Variants in C7orf78 observed in about 807,000 individuals in gnomAD.
The protein encoded by C7orf78 is putative uncharacterized protein C7orf78.
the C7orf78 span, among the ~76,000 whole-genome samples, chr7:12,497,605 T>G: frequency 6.6e-6 from 1 of 152,160 alleles, no homozygotes; most frequent in Non-Finnish European, 1.5e-5. Flanking sequence ...TCTCGCTGAT[T>G]GCTAGCACAG....
the C7orf78 span, among the ~76,000 whole-genome samples, chr7:12,518,543 T>C: frequency 6.6e-6 from 1 of 152,092 alleles, no homozygotes; most frequent in Non-Finnish European, 1.5e-5. Context: ...AGCTCCTAGA[T>C]GGCACATGTG....
At chr7:12,530,973 G>A in the C7orf78 span, 1 of 398,238 alleles carries the variant, frequency 2.5e-6, no homozygotes. Context: ...GTTAATACAT[G>A]TCTGCTTTTA....
chr7:12,505,416 A>G, the C7orf78 span, among the ~76,000 whole-genome samples: 2 of 152,136 alleles, frequency 1.3e-5, no homozygotes, highest in Non-Finnish European at 2.9e-5. Context: ...TTATCCAGGT[A>G]CAAGTTAAAA....
the C7orf78 span, among the ~76,000 whole-genome samples, chr7:12,497,684 A>C: frequency 5.9e-5 from 9 of 152,174 alleles, no homozygotes; most frequent in African/African-American, 1.2e-4. Context: ...CCCAGGCTTG[A>C]TTAGGTAAAC....
the C7orf78 span, among the ~76,000 whole-genome samples, chr7:12,510,739 T>A: frequency 1.6e-4 from 24 of 152,296 alleles, no homozygotes; most frequent in African/African-American, 5.1e-4. Flanking sequence ...TTAATAGGAT[T>A]GTTTGGGGTT....
the C7orf78 span, among the ~76,000 whole-genome samples, chr7:12,526,814 T>A: frequency 9.2e-5 from 14 of 151,592 alleles, no homozygotes; most frequent in Middle Eastern, 3.4e-3. Context: ...GTCACTCACT[T>A]TCGTAGAAAA....
At chr7:12,498,808 G>GA in the C7orf78 span, among the ~76,000 whole-genome samples, 1 of 150,186 alleles carries the variant, frequency 6.7e-6, no homozygotes, top group African/African-American at 2.4e-5. Context: ...TGAAATGAAG[G>GA]AAAAAATGTT....
At chr7:12,483,750 C>A in the C7orf78 span, 1 of 149,878 alleles carries the variant, frequency 6.7e-6, no homozygotes, top group Non-Finnish European at 1.5e-5. Context: ...CGGTGGCGGG[C>A]GCCTGTAATC....
At chr7:12,534,524 A>G in the C7orf78 span, among the ~76,000 whole-genome samples, 1 of 152,176 alleles carries the variant, frequency 6.6e-6, no homozygotes, top group East Asian at 1.9e-4. Context: ...GTTAAAATAC[A>G]TCATTAGGAG....
At chr7:12,530,950 G>T in the C7orf78 span, 4 of 397,766 alleles carry the variant, frequency 1.0e-5, no homozygotes, top group Non-Finnish European at 1.8e-5. Context: ...ATTTTAACAA[G>T]TAAACAATTA....
chr7:12,498,888 G>C, the C7orf78 span, among the ~76,000 whole-genome samples: 3,916 of 151,510 alleles, frequency 0.026, 80 homozygotes, highest in Non-Finnish European at 0.035. Flanking sequence ...AGGATCTCTC[G>C]GCAGAAACCC....
At chr7:12,514,133 T>C in the C7orf78 span, among the ~76,000 whole-genome samples, 1 of 152,184 alleles carries the variant, frequency 6.6e-6, no homozygotes, top group African/African-American at 2.4e-5. Flanking sequence ...TGTCTAATGC[T>C]CAGAGTGGGG....
chr7:12,530,112 T>G, the C7orf78 span, among the ~76,000 whole-genome samples: 1 of 152,184 alleles, frequency 6.6e-6, no homozygotes. Context: ...CTACCTCAGA[T>G]TCAAAGATTC....
At chr7:12,536,901 C>T in the C7orf78 span, among the ~76,000 whole-genome samples, 1 of 152,160 alleles carries the variant, frequency 6.6e-6, no homozygotes, top group Non-Finnish European at 1.5e-5. Context: ...CTGAGACGAC[C>T]TCAGCCTGGA....
the C7orf78 span, among the ~76,000 whole-genome samples, chr7:12,529,540 G>A: frequency 2.0e-5 from 3 of 152,200 alleles, no homozygotes; most frequent in African/African-American, 4.8e-5. Flanking sequence ...CACAGTCTCA[G>A]GAGGTTCTGA....
At chr7:12,495,494 C>T in the C7orf78 span, among the ~76,000 whole-genome samples, 1 of 152,160 alleles carries the variant, frequency 6.6e-6, no homozygotes, top group East Asian at 1.9e-4. Flanking sequence ...TATCCTCTCA[C>T]CTTTCTTAAG....
the C7orf78 span, chr7:12,530,883 C>T: frequency 2.5e-6 from 1 of 393,014 alleles, no homozygotes; most frequent in Non-Finnish European, 4.5e-6. Flanking sequence ...CTAAGCAGAA[C>T]AAGATGTGAA....
the C7orf78 span, among the ~76,000 whole-genome samples, chr7:12,535,750 G>C: frequency 6.6e-6 from 1 of 152,148 alleles, no homozygotes; most frequent in Non-Finnish European, 1.5e-5. Flanking sequence ...ACAGGCACTG[G>C]GTAAATACAG....
At chr7:12,499,241 C>T in the C7orf78 span, among the ~76,000 whole-genome samples, 1 of 151,332 alleles carries the variant, frequency 6.6e-6, no homozygotes, top group Non-Finnish European at 1.5e-5. Flanking sequence ...ACACTATTAA[C>T]TTTAAATGTA....
Sources: gnomAD v4.1 joint callset for allele counts (sites outside exome capture counted in the v4.1 genomes callset) on GRCh38, gnomAD v4.1.1 for gene constraint, MANE v1.5 for transcripts, NCBI Gene and HGNC (gene_info 2026-07-23, HGNC 2026-07-21) for gene names.